The following WDR35 variants were observed in gnomAD, a reference collection of about 807,000 sequenced individuals.
The protein encoded by WDR35 is WD repeat-containing protein 35.
WDR35 carries 118 observed loss-of-function variants against 158.3 expected under a neutral mutation model. That is an observed-to-expected ratio of 0.75 (90% CI 0.64 to 0.87). WDR35 has a LOEUF of 0.87. Among genes scored for constraint, WDR35 ranks in the 40% least tolerant of loss-of-function variants. The pLI is 0.00. For missense variants in WDR35, 1,263 were observed against 1,405.8 expected, an observed-to-expected ratio of 0.90 and a Z score of 1.62; for synonymous variants, 448 against 476.1, an observed-to-expected ratio of 0.94 and a Z score of 0.77.
rs1029758802 is a variant in WDR35, at chr2:19,969,561, T to C, written c.927A>G (p.Leu309=). 1.2e-6 allele frequency: 2 copies of C among 1,613,932 alleles called. No individual in the cohort carries two copies. The highest frequency in any genetic ancestry group is 4.5e-5 in the East Asian group (2 of 44,836). The change falls in exon 9 of 27, where the codon CTA becomes CTG. Residue 309 remains leucine, a synonymous_variant. Coordinates refer to ENST00000281405, the MANE Select transcript of WDR35 (RefSeq NM_020779.4). ...TTTTCAGTCCACCTCCTTCCCAAGA[T>C]AGTGCAGATATTTCCTTTCCAGGAA... ...LKVPGKEISA[L]SWEGGGLKIA... is the part of the protein sequence containing the mutation.
At chr2:19,967,045 T>G in intron 9 of WDR35, 136 bp from the exon 10 acceptor site, 1 of 794,388 alleles carries the variant, frequency 1.3e-6, no homozygotes, top group Non-Finnish European at 2.0e-6. Flanking sequence ...CAAAATATAT[T>G]CTTCAGAAAT....
chr2:19,970,479 C>T (rs1214521757), intron 8 of WDR35, among the ~76,000 whole-genome samples: 1 of 152,104 alleles, frequency 6.6e-6, no homozygotes, highest in African/African-American at 2.4e-5. Flanking sequence ...CCCCTCTGCC[C>T]TCCCAATTCA....
At chr2:19,955,151 C>T (rs1003182357) in intron 11 of WDR35, among the ~76,000 whole-genome samples, 2 of 152,152 alleles carry the variant, frequency 1.3e-5, no homozygotes, top group African/African-American at 4.8e-5. Flanking sequence ...CGGGGTTTCA[C>T]CATGTTGGCC....
At chr2:19,940,565 T>C (rs1350299938) in intron 17 of WDR35, among the ~76,000 whole-genome samples, 1 of 152,110 alleles carries the variant, frequency 6.6e-6, no homozygotes, top group Admixed American at 6.6e-5. Context: ...TAATCCTAGG[T>C]AATAACAGCC....
At position 19,913,435 on chromosome 2, in the gene WDR35, A is replaced by C; in HGVS notation, c.*123T>G. The C allele has an allele frequency of 7.7e-7, 1 of 1,295,304 alleles. No homozygotes were observed. Among genetic ancestry groups the C allele is most frequent in the Non-Finnish European group, 1.1e-6 (1 of 935,914 alleles). 80.2% of individuals were successfully genotyped at this position (1,295,304 alleles called of 1,614,324 possible). On this transcript the variant is annotated 3_prime_UTR_variant, in exon 27 of 27. Coordinates refer to ENST00000281405, the MANE Select transcript of WDR35 (RefSeq NM_020779.4). ...AACATATATTTTGTGCAAAAATTCAACTATAAATAATGAGGCTGATTTTCA... is the reference window on the plus strand; with the variant it reads ...AACATATATTTTGTGCAAAAATTCACCTATAAATAATGAGGCTGATTTTCA...
intron 25 of WDR35, among the ~76,000 whole-genome samples, chr2:19,915,856 G>C (rs2103380265): frequency 6.6e-6 from 1 of 151,472 alleles, no homozygotes; most frequent in South Asian, 2.1e-4. Flanking sequence ...ACCTCGTGGA[G>C]CGTGCAGTGA....
intron 10 of WDR35, among the ~76,000 whole-genome samples, chr2:19,966,121 A>G (rs2103443978): frequency 6.6e-6 from 1 of 152,308 alleles, no homozygotes; most frequent in Non-Finnish European, 1.5e-5. Context: ...TCAAAGAGTC[A>G]CCTTTAACAA....
At chr2:19,946,692 A>C in intron 14 of WDR35, 122 bp from the exon 15 acceptor site, 12 of 828,118 alleles carry the variant, frequency 1.4e-5, no homozygotes, top group East Asian at 2.7e-5. Context: ...GCAAATTCTC[A>C]ATTCTGATAA....
In WDR35 at chr2:19,974,396, G is replaced by A. The variant is rs1672135902; in HGVS notation, c.736+72C>T. On this transcript the variant is annotated intron_variant, in intron 7 of 26. Coordinates refer to ENST00000281405, the MANE Select transcript of WDR35 (RefSeq NM_020779.4). ...TGCACTCCAGCCTGGGCGACAGAGT[G>A]AGACTCCATCTCAAAAAGAAAAAAA... is the stretch of plus-strand genomic sequence containing the variant. 7.8e-6 allele frequency: 11 copies of A among 1,416,048 alleles called. No homozygotes were observed. In the South Asian group the frequency reaches 8.3e-5, roughly 11 times the overall value. The allele number at this position is 1,416,048 out of a possible 1,614,324, so 87.7% of individuals were successfully genotyped here.
At chr2:19,965,725 G>A (rs963404097) in intron 10 of WDR35, among the ~76,000 whole-genome samples, 8 of 152,188 alleles carry the variant, frequency 5.3e-5, no homozygotes, top group Admixed American at 1.3e-4. Flanking sequence ...CGTTGTAGGT[G>A]GCAGAAGGGC....
chr2:19,929,644 A>C (rs1457494738), intron 25 of WDR35, among the ~76,000 whole-genome samples: 1 of 152,246 alleles, frequency 6.6e-6, no homozygotes, highest in Non-Finnish European at 1.5e-5. Flanking sequence ...ATTACAGTAT[A>C]CAAATACCAT....
At chr2:19,989,144 T>C in intron 2 of WDR35, 21 bp downstream of exon 2, 1 of 1,603,796 alleles carries the variant, frequency 6.2e-7, no homozygotes, top group Non-Finnish European at 8.5e-7. Flanking sequence ...CTACCAAACA[T>C]GTGGGCTTGC....
At chr2:19,933,266 T>TA in intron 22 of WDR35, 135 bp downstream of exon 22, 1 of 756,838 alleles carries the variant, frequency 1.3e-6, no homozygotes, top group Non-Finnish European at 2.3e-6. Context: ...GCTCCTTTCA[T>TA]AAAATTCACG....
intron 10 of WDR35, among the ~76,000 whole-genome samples, chr2:19,964,257 T>A (rs1230718938): frequency 1.3e-5 from 2 of 152,164 alleles, no homozygotes; most frequent in Non-Finnish European, 2.9e-5. Context: ...TTCACTGAGC[T>A]AGGCACTTCC....
At chr2:19,945,130 A>G (rs1344727419) in intron 16 of WDR35, among the ~76,000 whole-genome samples, 3 of 152,116 alleles carry the variant, frequency 2.0e-5, no homozygotes, top group Admixed American at 2.0e-4. Flanking sequence ...AGAGTTGGCC[A>G]GAGTAGACTA....
intron 11 of WDR35, among the ~76,000 whole-genome samples, chr2:19,957,638 T>C (rs1671491340): frequency 6.6e-6 from 1 of 151,996 alleles, no homozygotes; most frequent in Non-Finnish European, 1.5e-5. Flanking sequence ...GTGCAACCTC[T>C]GCCTCCTGGG....
At chr2:19,970,843 A>G (rs996256874) in intron 8 of WDR35, among the ~76,000 whole-genome samples, 1 of 152,140 alleles carries the variant, frequency 6.6e-6, no homozygotes, top group Non-Finnish European at 1.5e-5. Flanking sequence ...CCATCAAGAT[A>G]CAGCTCAAAT....
At chr2:19,960,271 C>T (rs1240806537) in intron 11 of WDR35, among the ~76,000 whole-genome samples, 1 of 151,988 alleles carries the variant, frequency 6.6e-6, no homozygotes, top group African/African-American at 2.4e-5. Flanking sequence ...CCATTTAAAG[C>T]GAATGATGGT....
At position 19,934,701 on chromosome 2, in the gene WDR35, C is replaced by T. The variant is rs912321353; in HGVS notation, c.2547+770G>A. Among the ~76,000 whole-genome samples the T allele has an allele frequency of 6.6e-6, 1 of 152,084 alleles. No individual in the cohort carries two copies. The highest frequency in any genetic ancestry group is 1.5e-5 in the Non-Finnish European group (1 of 68,008). On this transcript the variant is annotated intron_variant, in intron 21 of 26. Transcript: ENST00000281405. This position sits in a 1 kb window ranked among gnomAD's most constrained non-coding sequence, Gnocchi z 4.6. Reference sequence around the variant, plus strand: ...CTATACCCAGGGTTCTAAGTAATTTCAGTTTCTTTCCTACTCAAGAAAACC... The same window carrying T: ...CTATACCCAGGGTTCTAAGTAATTTTAGTTTCTTTCCTACTCAAGAAAACC...
Sources: gnomAD v4.1 joint callset for allele counts (sites outside exome capture counted in the v4.1 genomes callset) on GRCh38, gnomAD v4.1.1 for gene constraint, Gnocchi (gnomAD v3.1) non-coding constraint, MANE v1.5 for transcripts, NCBI Gene and HGNC (gene_info 2026-07-23, HGNC 2026-07-21) for gene names.